PHACTR3: variants seen among roughly 807,000 people sequenced by gnomAD.
The protein encoded by PHACTR3 is phosphatase and actin regulator 3.
A neutral mutation model predicts 66.8 loss-of-function variants in PHACTR3; 16 were observed. The observed-to-expected ratio is 0.24, with a 90% confidence interval of 0.16 to 0.36. The LOEUF (loss-of-function observed/expected upper bound fraction) is 0.36, where lower values mean the gene tolerates loss of function less well. Among genes scored for constraint, PHACTR3 ranks in the 10% least tolerant of loss-of-function variants. The probability of loss-of-function intolerance (pLI) is 1.00; values close to 1 mark genes in which losing one functional copy is unlikely to be tolerated. For synonymous variants in PHACTR3, 323 were observed against 292.1 expected (o/e 1.11, Z -1.08); for missense variants, 647 against 719.9 (o/e 0.90, Z 1.16).
chr20:59,615,107 G>A (rs1178497472), intron 1 of PHACTR3, among the ~76,000 whole-genome samples: 2 of 152,058 alleles, frequency 1.3e-5, no homozygotes, highest in African/African-American at 4.8e-5. Flanking sequence ...CCATCAAGAG[G>A]GGGCCTATAG....
chr20:59,814,592 C>A (rs954435085), intron 8 of PHACTR3, among the ~76,000 whole-genome samples: 3 of 152,066 alleles, frequency 2.0e-5, no homozygotes, highest in African/African-American at 4.8e-5. Context: ...ATTCAGAGCC[C>A]GTCGTGGTGT....
intron 4 of PHACTR3, among the ~76,000 whole-genome samples, chr20:59,757,533 GA>G (rs11478225): frequency 0.65 from 99,026 of 151,742 alleles, 33,378 homozygotes; most frequent in Non-Finnish European, 0.73. Flanking sequence ...GGCCAGAGAG[GA>G]AAGAGCATGA....
chr20:59,800,190 TA>T (rs1373356359), intron 7 of PHACTR3, among the ~76,000 whole-genome samples: 2 of 152,218 alleles, frequency 1.3e-5, no homozygotes, highest in Non-Finnish European at 2.9e-5. Flanking sequence ...AGTTTTCTTT[TA>T]AAGATAAATA....
At chr20:59,640,946 G>A (rs1015927412) in intron 1 of PHACTR3, among the ~76,000 whole-genome samples, 1 of 152,022 alleles carries the variant, frequency 6.6e-6, no homozygotes, top group African/African-American at 2.4e-5. Flanking sequence ...ATTGTTACAG[G>A]TTTCTTTTAC....
chr20:59,715,545 C>A (rs1426495484), intron 1 of PHACTR3, among the ~76,000 whole-genome samples: 6 of 152,186 alleles, frequency 3.9e-5, no homozygotes, highest in African/African-American at 1.4e-4. Context: ...TTTAGGATTT[C>A]TGTATCTATG....
intron 1 of PHACTR3, among the ~76,000 whole-genome samples, chr20:59,635,107 C>CTT (rs1176679038): frequency 6.8e-5 from 4 of 59,108 alleles, no homozygotes; most frequent in South Asian, 7.8e-4. Flanking sequence ...CTCTCTCTTT[C>CTT]TTTCTTTCTT....
chr20:59,620,364 T>C (rs894567505), intron 1 of PHACTR3, among the ~76,000 whole-genome samples: 9 of 152,152 alleles, frequency 5.9e-5, no homozygotes, highest in African/African-American at 1.7e-4. Context: ...TTATCTGAAT[T>C]GAGTCCATTT....
At position 59,731,014 on chromosome 20, in the gene PHACTR3, A is replaced by G. The variant is rs142883480; in HGVS notation, c.119-12093A>G. On this transcript the variant is annotated intron_variant, in intron 1 of 12. Transcript: ENST00000371015. ...TCTTCCTAGCACTTAAATGCATTTA[A>G]TCCCTCTGAAAAATGCTAGAGTAGA... 4.4e-3 allele frequency among the ~76,000 whole-genome samples: 670 copies of G among 152,290 alleles called. 3 individuals are homozygous for G. Among genetic ancestry groups the G allele is most frequent in the African/African-American group, 0.015 (624 of 41,570 alleles).
At chr20:59,582,152 A>G (rs1014387757) in intron 1 of PHACTR3, among the ~76,000 whole-genome samples, 14 of 152,146 alleles carry the variant, frequency 9.2e-5, no homozygotes, top group African/African-American at 3.1e-4. Context: ...CAGGGAAGCC[A>G]CTGTTACCAT....
At chr20:59,778,983 A>G (rs1036043963) in intron 7 of PHACTR3, among the ~76,000 whole-genome samples, 3 of 152,186 alleles carry the variant, frequency 2.0e-5, no homozygotes, top group African/African-American at 4.8e-5. Flanking sequence ...GCACCGTGCA[A>G]TGTGTTACAT....
chr20:59,765,397 C>T (rs1467354944), intron 4 of PHACTR3, among the ~76,000 whole-genome samples: 1 of 152,158 alleles, frequency 6.6e-6, no homozygotes, highest in Non-Finnish European at 1.5e-5. Flanking sequence ...GTTCTCAGTT[C>T]AGGCCAACTT....
intron 1 of PHACTR3, among the ~76,000 whole-genome samples, chr20:59,723,103 TTTCTTTC>T (rs1488843484): frequency 2.7e-5 from 4 of 149,184 alleles, no homozygotes; most frequent in African/African-American, 1.0e-4. Flanking sequence ...TCTTTCTTTC[TTTCTTTC>T]TTTCTTTCTT....
intron 12 of PHACTR3, among the ~76,000 whole-genome samples, chr20:59,846,637 T>C (rs988307071): frequency 6.6e-6 from 1 of 152,184 alleles, no homozygotes; most frequent in African/African-American, 2.4e-5. Context: ...CTTTCTAAAA[T>C]AATGACTCTA....
intron 1 of PHACTR3, among the ~76,000 whole-genome samples, chr20:59,581,716 C>T (rs926001561): frequency 7.5e-6 from 1 of 134,168 alleles, no homozygotes; most frequent in East Asian, 2.1e-4. Flanking sequence ...CCCGTCTCTA[C>T]TAAAAATGCA....
At chr20:59,729,032 G>A (rs567063692) in intron 1 of PHACTR3, among the ~76,000 whole-genome samples, 1 of 152,278 alleles carries the variant, frequency 6.6e-6, no homozygotes, top group East Asian at 1.9e-4. Flanking sequence ...AGGTGGGGAT[G>A]AGCCTGGGGA....
chr20:59,700,141 A>G (rs1254534108), intron 1 of PHACTR3, among the ~76,000 whole-genome samples: 1 of 152,246 alleles, frequency 6.6e-6, no homozygotes, highest in Non-Finnish European at 1.5e-5. Flanking sequence ...ATGGCAATCT[A>G]CACATACTGT....
At position 59,755,237 on chromosome 20, in the gene PHACTR3, A is replaced by G; in HGVS notation, c.414A>G (p.Glu138=). 6.2e-7 allele frequency: 1 copy of G among 1,613,996 alleles called. No homozygotes were observed. The highest frequency in any genetic ancestry group is 1.3e-5 in the African/African-American group (1 of 75,076). The change falls in exon 4 of 13, where the codon GAA becomes GAG. Residue 138 remains glutamate (E), a synonymous_variant. Coordinates refer to ENST00000371015, the MANE Select transcript of PHACTR3 (RefSeq NM_080672.5). ...PDGGPRSVQS[E]PPTPKSETLT... is the part of the protein sequence containing the mutation. ...GAGGACCCCGATCTGTACAGAGTGA[A>G]CCACCCACTCCCAAGTCGGAGACGC...
At chr20:59,748,393 G>GC (rs1194549479) in intron 3 of PHACTR3, among the ~76,000 whole-genome samples, 3 of 152,096 alleles carry the variant, frequency 2.0e-5, no homozygotes, top group African/African-American at 7.2e-5. Flanking sequence ...GGTGGTGACT[G>GC]CCCCAAGTCA....
intron 1 of PHACTR3, among the ~76,000 whole-genome samples, chr20:59,607,551 A>G (rs2033711215): frequency 6.6e-6 from 1 of 152,252 alleles, no homozygotes; most frequent in South Asian, 2.1e-4. Context: ...TTAATGCATC[A>G]GTATTTGCAA....
Sources: gnomAD v4.1 joint callset for allele counts (sites outside exome capture counted in the v4.1 genomes callset) on GRCh38, gnomAD v4.1.1 for gene constraint, MANE v1.5 for transcripts, NCBI Gene and HGNC (gene_info 2026-07-23, HGNC 2026-07-21) for gene names.